AFF3: variants seen among roughly 807,000 people sequenced by gnomAD.
AFF3 encodes the protein ALF transcription elongation factor 3, also known as AF4/FMR2 family member 3.
Under a neutral mutation model 129.7 loss-of-function variants are expected in AFF3, and 32 were observed. The observed-to-expected ratio is 0.25, with a 90% CI of 0.19 to 0.33. The LOEUF (loss-of-function observed/expected upper bound fraction) is 0.33. AFF3 is among the 10% of genes least tolerant of loss of function. The pLI, the probability that AFF3 is intolerant of heterozygous loss-of-function variation, is 1.00. For missense variants in AFF3, 1,373 were observed against 1,592.0 expected (o/e 0.86, Z 2.34); for synonymous variants, 644 against 635.4 (o/e 1.01, Z -0.20).
intron 8 of AFF3, among the ~76,000 whole-genome samples, chr2:99,827,720 A>T (rs1282558642): frequency 6.6e-6 from 1 of 151,994 alleles, no homozygotes; most frequent in Non-Finnish European, 1.5e-5. Context: ...CATACGATGG[A>T]AAGAATCTGT....
intron 4 of AFF3, among the ~76,000 whole-genome samples, chr2:100,048,836 T>G (rs1420662310): frequency 1.3e-5 from 2 of 152,228 alleles, no homozygotes; most frequent in Non-Finnish European, 2.9e-5. Context: ...TTTATTGATG[T>G]TCACGCTCAC....
At chr2:99,788,278 C>T (rs1684952431) in intron 8 of AFF3, among the ~76,000 whole-genome samples, 1 of 152,056 alleles carries the variant, frequency 6.6e-6, no homozygotes, top group African/African-American at 2.4e-5. Flanking sequence ...TCAAGCAGTT[C>T]CTCATGAGGT....
intron 20 of AFF3, among the ~76,000 whole-genome samples, chr2:99,562,586 G>A (rs1338226913): frequency 1.3e-5 from 2 of 152,084 alleles, no homozygotes; most frequent in African/African-American, 2.4e-5. Flanking sequence ...TTTTTACGAT[G>A]GCTGCTTTAA....
intron 7 of AFF3, among the ~76,000 whole-genome samples, chr2:99,991,623 C>T (rs1680342476): frequency 6.6e-6 from 1 of 152,112 alleles, no homozygotes; most frequent in East Asian, 1.9e-4. Context: ...ACAAAATGGG[C>T]CGGGCGCAGG....
chr2:100,012,088 A>C (rs376215540), intron 4 of AFF3, among the ~76,000 whole-genome samples: 1 of 152,140 alleles, frequency 6.6e-6, no homozygotes. Context: ...ACTACCAAGA[A>C]GGAGTGAACA....
At chr2:100,108,677 G>A (rs779916012) in intron 2 of AFF3, among the ~76,000 whole-genome samples, 46 of 152,106 alleles carry the variant, frequency 3.0e-4, no homozygotes, top group Non-Finnish European at 5.4e-4. Context: ...CCAATACCCC[G>A]GTCGAGGGCT....
intron 21 of AFF3, among the ~76,000 whole-genome samples, chr2:99,559,317 C>G (rs1675254860): frequency 6.6e-6 from 1 of 152,022 alleles, no homozygotes; most frequent in African/African-American, 2.4e-5. Context: ...GCAGCCTTCA[C>G]TGCTTCGCGG....
intron 7 of AFF3, among the ~76,000 whole-genome samples, chr2:99,844,414 C>T (rs908804708): frequency 2.0e-5 from 3 of 149,200 alleles, no homozygotes; most frequent in Admixed American, 6.7e-5. Context: ...CCCATCAATA[C>T]GAGAACTATT....
rs193246272 is a variant in AFF3 at position 99,581,179 on chromosome 2, C to T, written c.2793+1619G>A. ...AGTACTTACCGAATGAGCACCTCTT[C>T]GGTGAAAAATAACTAAATAAAATCT... On this transcript the variant is annotated intron_variant, in intron 17 of 24. Coordinates refer to ENST00000672756, the MANE Select transcript of AFF3 (RefSeq NM_001386135.1). Among the ~76,000 whole-genome samples the T allele has an allele frequency of 3.5e-3, 533 of 152,270 alleles. 2 individuals are homozygous for T. The highest frequency in any genetic ancestry group is 0.012 in the African/African-American group (486 of 41,554).
At chr2:99,782,881 G>A (rs531623200) in intron 8 of AFF3, among the ~76,000 whole-genome samples, 1 of 152,350 alleles carries the variant, frequency 6.6e-6, no homozygotes, top group Non-Finnish European at 1.5e-5. Context: ...TGAGTGTGTA[G>A]AGGATCTGTT....
intron 8 of AFF3, among the ~76,000 whole-genome samples, chr2:99,760,923 CT>C (rs1184868040): frequency 6.6e-6 from 1 of 151,410 alleles, no homozygotes. Flanking sequence ...GTCACCTGCC[CT>C]TTTTTTTCCT....
intron 10 of AFF3, among the ~76,000 whole-genome samples, chr2:99,739,968 C>G (rs1680578205): frequency 8.4e-6 from 1 of 118,900 alleles, no homozygotes; most frequent in African/African-American, 3.2e-5. Context: ...CCCCCTCCCC[C>G]CACCCCACAA....
At chr2:99,713,312 A>C (rs2309726) in intron 11 of AFF3, among the ~76,000 whole-genome samples, 4 of 142,508 alleles carry the variant, frequency 2.8e-5, no homozygotes, top group Non-Finnish European at 6.0e-5. Flanking sequence ...CTCTGTCGCT[A>C]GGCTGCAGTG....
intron 4 of AFF3, among the ~76,000 whole-genome samples, chr2:100,074,153 C>T (rs375296344): frequency 3.9e-5 from 6 of 152,114 alleles, no homozygotes; most frequent in Admixed American, 1.3e-4. Flanking sequence ...CAAGGCTGCC[C>T]GCTCCACTGT....
intron 4 of AFF3, among the ~76,000 whole-genome samples, chr2:100,044,302 G>T (rs1301165699): frequency 3.3e-5 from 5 of 152,204 alleles, no homozygotes; most frequent in African/African-American, 1.2e-4. Context: ...GCACAGCTAT[G>T]TATTTTGAGG....
intron 7 of AFF3, among the ~76,000 whole-genome samples, chr2:99,942,017 T>C (rs769400199): frequency 6.6e-6 from 1 of 152,090 alleles, no homozygotes; most frequent in African/African-American, 2.4e-5. Flanking sequence ...ATACAACATA[T>C]ATATAAGTGT....
chr2:99,795,228 A>T (rs1284277181), intron 8 of AFF3, among the ~76,000 whole-genome samples: 1 of 152,160 alleles, frequency 6.6e-6, no homozygotes, highest in Admixed American at 6.5e-5. Flanking sequence ...GAATGAAATC[A>T]TGTCTTTTGC....
At chr2:99,751,071 G>A (rs867782280) in intron 9 of AFF3, among the ~76,000 whole-genome samples, 4 of 152,116 alleles carry the variant, frequency 2.6e-5, no homozygotes, top group African/African-American at 7.2e-5. Context: ...CTTAGAAAGC[G>A]GTGATATTGA....
intron 12 of AFF3, among the ~76,000 whole-genome samples, chr2:99,660,727 A>G (rs906608914): frequency 6.6e-6 from 1 of 152,206 alleles, no homozygotes; most frequent in Non-Finnish European, 1.5e-5. Flanking sequence ...AGGGTTTTCT[A>G]GCGTGCAGAT....
Sources: allele counts gnomAD v4.1 joint callset (sites outside exome capture counted in the v4.1 genomes callset), GRCh38; gene constraint gnomAD v4.1.1; transcripts MANE v1.5; gene names NCBI Gene and HGNC (gene_info 2026-07-23, HGNC 2026-07-21).